IFT43: variants seen among roughly 807,000 people sequenced by gnomAD.
IFT43 encodes the protein intraflagellar transport protein 43 homolog.
A neutral mutation model predicts 32.3 loss-of-function variants in IFT43; 33 were observed. The observed-to-expected ratio is 1.02, with a 90% CI of 0.77 to 1.37. IFT43 has a LOEUF of 1.37. Among genes scored for constraint, IFT43 ranks in the 40% most tolerant of loss-of-function variants. The pLI is 0.00. For synonymous variants in IFT43, 93 were observed against 98.2 expected, an observed-to-expected ratio of 0.95 and a Z score of 0.31; for missense variants, 274 against 265.9, an observed-to-expected ratio of 1.03 and a Z score of -0.21.
chr14:76,056,109 T>G (rs2037009806), intron 3 of IFT43, among the ~76,000 whole-genome samples: 1 of 152,222 alleles, frequency 6.6e-6, no homozygotes, highest in African/African-American at 2.4e-5. Context: ...TAGACAGCAG[T>G]ATGGTTTAGA....
At chr14:75,988,348 T>TG in intron 1 of IFT43, among the ~76,000 whole-genome samples, 1 of 152,148 alleles carries the variant, frequency 6.6e-6, no homozygotes, top group South Asian at 2.1e-4. Flanking sequence ...GGCAACAGAG[T>TG]GAGAACCTGT....
In IFT43 at chr14:76,083,254, A is replaced by C. The variant is rs760890438; in HGVS notation, c.472A>C (p.Thr158Pro). 1 of 1,614,016 alleles carries C rather than the reference A, an allele frequency of 6.2e-7. No homozygotes were observed. Among genetic ancestry groups the C allele is most frequent in the South Asian group, 1.1e-5 (1 of 91,066 alleles). Reference protein sequence around the residue: ...LDGEIDLKLLTKVLAPEHEVR... With the variant: ...LDGEIDLKLLPKVLAPEHEVR... ...TGGGGAGATCGACCTGAAACTCCTC[A>C]CCAAAGTGCTCGCGCCGGAGCACGA... The change falls in exon 8 of 9, where the codon ACC (threonine) becomes CCC (proline). Residue 158 changes from threonine (T) to proline (P), a missense_variant. By Grantham distance (38) the Thr-to-Pro change is conservative (BLOSUM62 -1). Transcript: ENST00000314067.
intron 5 of IFT43, among the ~76,000 whole-genome samples, chr14:76,065,408 T>G (rs892186945): frequency 6.6e-6 from 1 of 152,204 alleles, no homozygotes. Context: ...CAATTTAGGT[T>G]TTCACAGATG....
In IFT43 at chr14:76,083,285, G is replaced by C; in HGVS notation, c.503G>C (p.Arg168Pro). ...TKVLAPEHEV[R>P]EDDVGWDWDH... ...GTGCTCGCGCCGGAGCACGAAGTCC[G>C]GGAGGTACAGTGGTGGCAGCAATTC... is the stretch of plus-strand genomic sequence containing the variant. Residue 168 changes from arginine to proline, a missense_variant, in exon 8 of 9, where the codon CGG (arginine) becomes CCG (proline). Coordinates refer to ENST00000314067, the MANE Select transcript of IFT43 (RefSeq NM_001102564.3). The C allele has an allele frequency of 6.2e-7, 1 of 1,613,384 alleles. No homozygotes were observed. The highest frequency in any genetic ancestry group is 1.7e-5 in the Admixed American group (1 of 60,012).
intron 3 of IFT43, among the ~76,000 whole-genome samples, chr14:76,050,917 T>G (rs1011532554): frequency 6.6e-6 from 1 of 152,148 alleles, no homozygotes; most frequent in African/African-American, 2.4e-5. Context: ...TCAAAGCGTT[T>G]CTGTGTATTT....
intron 2 of IFT43, 65 bp downstream of exon 2, chr14:75,989,042 C>T: frequency 1.3e-6 from 2 of 1,579,806 alleles, no homozygotes; most frequent in South Asian, 1.1e-5. Flanking sequence ...TCCTTAATGA[C>T]CAAGGATTTG....
intron 3 of IFT43, among the ~76,000 whole-genome samples, chr14:76,024,585 C>A (rs1311173064): frequency 6.6e-6 from 1 of 152,222 alleles, no homozygotes; most frequent in African/African-American, 2.4e-5. Context: ...AAAGCTAGTA[C>A]ATAGCTTGTT....
chr14:76,019,564 G>T (rs1226799576), intron 2 of IFT43, among the ~76,000 whole-genome samples: 1 of 152,028 alleles, frequency 6.6e-6, no homozygotes, highest in Non-Finnish European at 1.5e-5. Context: ...TTTTTGAGGT[G>T]AATCTATTTT....
At chr14:76,006,853 AC>A (rs1299173858) in intron 2 of IFT43, among the ~76,000 whole-genome samples, 3 of 146,034 alleles carry the variant, frequency 2.1e-5, no homozygotes, top group Non-Finnish European at 4.5e-5. Context: ...ATTACTGGGG[AC>A]ATTTTTTTTT....
intron 2 of IFT43, among the ~76,000 whole-genome samples, chr14:76,017,919 T>C (rs1010945251): frequency 6.6e-6 from 1 of 152,076 alleles, no homozygotes; most frequent in African/African-American, 2.4e-5. Context: ...TTTATGATTT[T>C]ATTTATTTGG....
chr14:76,014,728 G>A lies in IFT43; in HGVS notation c.148-7599G>A, dbSNP rs148652166. Reference sequence around the variant, plus strand: ...TTTAGCTTTTAGACATATATTGTAAGCCTTATGCATGCTTATCAGAGCAGC... The same window carrying A: ...TTTAGCTTTTAGACATATATTGTAAACCTTATGCATGCTTATCAGAGCAGC... On this transcript the variant is annotated intron_variant, in intron 2 of 8. Coordinates refer to ENST00000314067, the MANE Select transcript of IFT43 (RefSeq NM_001102564.3). Among the ~76,000 whole-genome samples the A allele has an allele frequency of 8.5e-5, 13 of 152,236 alleles. No homozygotes were observed. In the East Asian group the frequency reaches 1.9e-3, roughly 23 times the overall value.
intron 2 of IFT43, among the ~76,000 whole-genome samples, chr14:76,009,040 G>GC (rs1192436215): frequency 1.3e-5 from 2 of 152,208 alleles, no homozygotes; most frequent in African/African-American, 4.8e-5. Flanking sequence ...CTTTCAGTTT[G>GC]CCCTTGCCGG....
chr14:76,004,945 C>A (rs2035953972), intron 2 of IFT43, among the ~76,000 whole-genome samples: 1 of 152,024 alleles, frequency 6.6e-6, no homozygotes, highest in Non-Finnish European at 1.5e-5. Flanking sequence ...CCTAGATTTC[C>A]CATCTGTTCA....
At chr14:75,991,818 T>A (rs371191542) in intron 2 of IFT43, among the ~76,000 whole-genome samples, 32 of 152,308 alleles carry the variant, frequency 2.1e-4, no homozygotes, top group African/African-American at 7.5e-4. Context: ...AAGATGCCAG[T>A]TAGGATTCCA....
chr14:76,026,616 C>T (rs183000919), intron 3 of IFT43, among the ~76,000 whole-genome samples: 5 of 149,194 alleles, frequency 3.4e-5, no homozygotes, highest in East Asian at 2.0e-4. Context: ...GAAAAAGGAA[C>T]GATTATACAG....
At chr14:76,032,839 T>A (rs1437685675) in intron 3 of IFT43, among the ~76,000 whole-genome samples, 1 of 151,854 alleles carries the variant, frequency 6.6e-6, no homozygotes, top group Non-Finnish European at 1.5e-5. Context: ...ATTTTGGAGG[T>A]AGAGTTAATA....
intron 3 of IFT43, among the ~76,000 whole-genome samples, chr14:76,039,407 C>A (rs7152174): frequency 0.039 from 5,915 of 152,228 alleles, 175 homozygotes; most frequent in Non-Finnish European, 0.062. Context: ...AATCCTCCTG[C>A]CTTGGTCTCC....
chr14:76,036,392 C>A (rs1421516179), intron 3 of IFT43, among the ~76,000 whole-genome samples: 3 of 145,588 alleles, frequency 2.1e-5, no homozygotes, highest in East Asian at 4.0e-4. Context: ...TTTGTTCTTT[C>A]GTTCTTTCTG....
chr14:76,013,327 A>C lies in IFT43; in HGVS notation c.148-9000A>C, dbSNP rs1025627128. ...TGTGAATAAAGGGCTTTAATTTCTC[A>C]TCAGTCCAGGCAGGGACTGGAGCTT... On this transcript the variant is annotated intron_variant, in intron 2 of 8. Coordinates refer to ENST00000314067, the MANE Select transcript of IFT43 (RefSeq NM_001102564.3). Among the ~76,000 whole-genome samples, 7 of 152,332 alleles carry C rather than the reference A, an allele frequency of 4.6e-5. No individual in the cohort carries two copies. In the East Asian group the frequency reaches 7.7e-4, roughly 17 times the overall value.
Sources: allele counts gnomAD v4.1 joint callset (sites outside exome capture counted in the v4.1 genomes callset), GRCh38; gene constraint gnomAD v4.1.1; transcripts MANE v1.5; gene names NCBI Gene and HGNC (gene_info 2026-07-23, HGNC 2026-07-21).